SMURF2: variants seen among roughly 807,000 people sequenced by gnomAD.
SMURF2 encodes the protein SMAD specific E3 ubiquitin protein ligase 2, also known as E3 ubiquitin-protein ligase SMURF2.
A neutral mutation model predicts 109.6 loss-of-function variants in SMURF2; 48 were observed. The observed-to-expected ratio is 0.44, with a 90% CI of 0.35 to 0.56. The LOEUF is 0.56. Among genes scored for constraint, SMURF2 ranks in the 20% least tolerant of loss-of-function variants. The pLI is 0.01. For missense variants in SMURF2, 575 were observed against 909.0 expected (o/e 0.63, Z 4.72); for synonymous variants, 288 against 317.1 (o/e 0.91, Z 0.97).
chr17:64,638,357 C>T (rs1160239402), intron 1 of SMURF2, among the ~76,000 whole-genome samples: 5 of 152,218 alleles, frequency 3.3e-5, no homozygotes, highest in South Asian at 2.1e-4. Flanking sequence ...TGAGCCACTG[C>T]GCCTGACCAA....
chr17:64,640,727 T>C (rs1379483873), intron 1 of SMURF2, among the ~76,000 whole-genome samples: 1 of 152,090 alleles, frequency 6.6e-6, no homozygotes, highest in Non-Finnish European at 1.5e-5. Flanking sequence ...AAGACCATCC[T>C]GGCCAACATG....
chr17:64,621,982 TAATAAA>T (rs374971189), intron 1 of SMURF2, among the ~76,000 whole-genome samples: 5,900 of 144,440 alleles, frequency 0.041, 232 homozygotes, highest in Admixed American at 0.13. Flanking sequence ...ATAATAATAA[TAATAAA>T]AAAAAGCACT....
At chr17:64,590,879 T>C (rs1969741714) in intron 5 of SMURF2, among the ~76,000 whole-genome samples, 2 of 124,514 alleles carry the variant, frequency 1.6e-5, no homozygotes, top group Middle Eastern at 7.4e-3. Context: ...TCAACAGTTC[T>C]TCACAAAACT....
intron 12 of SMURF2, among the ~76,000 whole-genome samples, chr17:64,559,897 G>A (rs1458142044): frequency 4.6e-5 from 7 of 151,468 alleles, no homozygotes; most frequent in African/African-American, 1.2e-4. Flanking sequence ...ACAGGTGTGC[G>A]CCACCATACC....
At chr17:64,630,345 T>TA (rs1416347352) in intron 1 of SMURF2, among the ~76,000 whole-genome samples, 1 of 152,056 alleles carries the variant, frequency 6.6e-6, no homozygotes, top group African/African-American at 2.4e-5. Context: ...CCTCATCAAG[T>TA]AAAAAACCAC....
chr17:64,585,972 T>C, intron 6 of SMURF2, 114 bp downstream of exon 6: 1 of 544,558 alleles, frequency 1.8e-6, no homozygotes, highest in Non-Finnish European at 3.0e-6. Context: ...AAGGAAAATC[T>C]ACATTCAATA....
At chr17:64,551,358 G>GAA (rs373237402) in intron 16 of SMURF2, among the ~76,000 whole-genome samples, 329 of 139,610 alleles carry the variant, frequency 2.4e-3, no homozygotes, top group African/African-American at 8.0e-3. Context: ...CCCTGTCTCA[G>GAA]AAAAAAAAAA....
rs549920271 is a variant in SMURF2, at chr17:64,656,174, T to C, written c.52+5655A>G. 2.0e-5 allele frequency among the ~76,000 whole-genome samples: 3 copies of C among 152,316 alleles called. No homozygotes were observed. The East Asian group carries it at 5.8e-4, about 29-fold the overall frequency. ...AGAATAAGTTCTTCCAAGTATAGAA[T>C]AGGAAAAACAAAACAAAAGTTGGAC... On this transcript the variant is annotated intron_variant, in intron 1 of 18. Transcript: ENST00000262435.
intron 1 of SMURF2, among the ~76,000 whole-genome samples, chr17:64,659,031 C>G (rs571205198): frequency 1.1e-4 from 16 of 152,286 alleles, no homozygotes; most frequent in African/African-American, 3.6e-4. Flanking sequence ...TTAGCATTGA[C>G]AAATACCAAA....
chr17:64,546,325 C>T lies in SMURF2; in HGVS notation c.2085G>A (p.Pro695=), dbSNP rs782177838. 3.7e-6 allele frequency: 6 copies of T among 1,613,818 alleles called. No homozygotes were observed. Among genetic ancestry groups the T allele is most frequent in the Admixed American group, 1.7e-5 (1 of 59,986 alleles). Residue 695 remains proline, a synonymous_variant, in exon 18 of 19, where the codon CCG becomes CCA. Coordinates refer to ENST00000262435, the MANE Select transcript of SMURF2 (RefSeq NM_022739.4). The part of the protein sequence containing the change: ...GFKALQGAAG[P]RLFTIHQIDA... ...CAATCTGGTGTATGGTAAAGAGTCT[C>T]GGGCCTGCAGCACCTGCAAATGAAG...
chr17:64,635,930 T>A (rs1453726285), intron 1 of SMURF2, among the ~76,000 whole-genome samples: 1 of 152,202 alleles, frequency 6.6e-6, no homozygotes, highest in Non-Finnish European at 1.5e-5. Context: ...CTACTTTACA[T>A]TCCCACCAAC....
chr17:64,600,382 T>G (rs1169674918), intron 2 of SMURF2, among the ~76,000 whole-genome samples: 1 of 152,206 alleles, frequency 6.6e-6, no homozygotes, highest in Non-Finnish European at 1.5e-5. Context: ...GTGTTAGACA[T>G]TGGGATAGAG....
At chr17:64,637,447 C>T (rs1461177818) in intron 1 of SMURF2, among the ~76,000 whole-genome samples, 1 of 151,872 alleles carries the variant, frequency 6.6e-6, no homozygotes, top group Non-Finnish European at 1.5e-5. Flanking sequence ...AGTCTTATGG[C>T]TTGCATTGTT....
intron 12 of SMURF2, among the ~76,000 whole-genome samples, chr17:64,560,663 T>C (rs1296620517): frequency 6.6e-6 from 1 of 151,668 alleles, no homozygotes; most frequent in African/African-American, 2.4e-5. Context: ...AAATATAATA[T>C]CAGAAATAAA....
At chr17:64,554,444 G>A (rs2144593411) in intron 15 of SMURF2, among the ~76,000 whole-genome samples, 1 of 152,300 alleles carries the variant, frequency 6.6e-6, no homozygotes, top group South Asian at 2.1e-4. Flanking sequence ...TATGGGGAGA[G>A]GGAGTGGTCA....
At chr17:64,549,262 CAAAAAAAAA>C (rs577973821) in intron 16 of SMURF2, among the ~76,000 whole-genome samples, 3 of 41,572 alleles carry the variant, frequency 7.2e-5, no homozygotes, top group African/African-American at 1.7e-4. Flanking sequence ...ACTGTGTCTC[CAAAAAAAAA>C]AAAAAAAAAA....
chr17:64,555,806 G>A lies in SMURF2; in HGVS notation c.1610+14C>T, dbSNP rs782237544. The A allele has an allele frequency of 3.9e-6, 6 of 1,536,622 alleles. No homozygotes were observed. Among genetic ancestry groups the A allele is most frequent in the Non-Finnish European group, 5.3e-6 (6 of 1,130,006 alleles). Reference sequence around the variant, plus strand: ...CAGAGTTTATAATGAAGAGATAGAAGACTCAATACATACAGTATCCACACT... The same window carrying A: ...CAGAGTTTATAATGAAGAGATAGAAAACTCAATACATACAGTATCCACACT... On this transcript the variant is annotated intron_variant, in intron 14 of 18. Transcript: ENST00000262435.
chr17:64,606,961 G>A (rs560156927), intron 1 of SMURF2, among the ~76,000 whole-genome samples: 12 of 151,962 alleles, frequency 7.9e-5, no homozygotes, highest in Non-Finnish European at 1.8e-4. Flanking sequence ...ATAGTTCAAA[G>A]GAGATATGTA....
chr17:64,651,861 G>GT (rs1555693547), intron 1 of SMURF2, among the ~76,000 whole-genome samples: 1 of 152,186 alleles, frequency 6.6e-6, no homozygotes, highest in African/African-American at 2.4e-5. Flanking sequence ...CAAGATCGCA[G>GT]TGAGCTCTGA....
Sources: gnomAD v4.1 joint callset for allele counts (sites outside exome capture counted in the v4.1 genomes callset) on GRCh38, gnomAD v4.1.1 for gene constraint, MANE v1.5 for transcripts, NCBI Gene and HGNC (gene_info 2026-07-23, HGNC 2026-07-21) for gene names.